Variants in NSD2 observed in about 807,000 individuals in gnomAD.
NSD2 encodes nuclear receptor binding SET domain protein 2.
NSD2 carries 12 observed loss-of-function variants against 139.0 expected under a neutral mutation model. That is an observed-to-expected ratio of 0.09 (90% CI 0.06 to 0.14). NSD2 has a LOEUF of 0.14. Ranked by LOEUF, NSD2 falls within the 10% of genes least tolerant of loss-of-function variation. The pLI, the probability that NSD2 is intolerant of heterozygous loss-of-function variation, is 1.00. For synonymous variants in NSD2, 669 were observed against 648.7 expected (o/e 1.03, Z -0.48); for missense variants, 1,155 against 1,745.0 (o/e 0.66, Z 6.02).
chr4:1,941,358 C>T, intron 9 of NSD2: 2 of 1,051,470 alleles, frequency 1.9e-6, no homozygotes, highest in Non-Finnish European at 2.3e-6. Context: ...AACATGGAGC[C>T]TGCTGAGATC....
At chr4:1,872,164 C>T (rs1009255340) in intron 1 of NSD2, among the ~76,000 whole-genome samples, 3 of 152,042 alleles carry the variant, frequency 2.0e-5, no homozygotes, top group Admixed American at 2.0e-4. Flanking sequence ...CCCGGGAAGC[C>T]GGGCCGCGGT....
At chr4:1,893,172 A>G (rs1015110241) in intron 1 of NSD2, among the ~76,000 whole-genome samples, 1 of 152,098 alleles carries the variant, frequency 6.6e-6, no homozygotes, top group Non-Finnish European at 1.5e-5. Context: ...AGATATGCAT[A>G]TTAAACTCTC....
intron 11 of NSD2, chr4:1,953,050 A>C (rs1724443276): frequency 6.9e-7 from 1 of 1,450,588 alleles, no homozygotes. Context: ...GCTTCTTGCC[A>C]GTTAGACTGG....
At chr4:1,879,510 C>T (rs983787773) in intron 1 of NSD2, among the ~76,000 whole-genome samples, 48 of 152,108 alleles carry the variant, frequency 3.2e-4, no homozygotes, top group Non-Finnish European at 6.3e-4. Context: ...TGAGCCACCG[C>T]GCCTGGCCTA....
chr4:1,979,018 G>A lies in NSD2; in HGVS notation c.*109G>A, dbSNP rs552974806. On this transcript the variant is annotated 3_prime_UTR_variant, in exon 22 of 22. Coordinates refer to ENST00000508803, the MANE Select transcript of NSD2 (RefSeq NM_001042424.3). ...CGGAGGACCCAGCTCGAGCCGCCAG[G>A]ACACAGACGTACAGGCCTCCTCGGG... 1.1e-5 allele frequency: 15 copies of A among 1,373,396 alleles called. No homozygotes were observed. In the African/African-American group the frequency reaches 1.8e-4, roughly 16 times the overall value. The allele number at this position is 1,373,396 out of a possible 1,614,324, so 85.1% of individuals were successfully genotyped here.
intron 9 of NSD2, chr4:1,943,817 T>C (rs1422354553): frequency 6.6e-6 from 7 of 1,062,310 alleles, no homozygotes; most frequent in Admixed American, 1.1e-4. Flanking sequence ...AAGTAAAGAC[T>C]CTATCTTGAA....
intron 1 of NSD2, among the ~76,000 whole-genome samples, chr4:1,890,468 G>T (rs1715444652): frequency 6.7e-6 from 1 of 148,630 alleles, no homozygotes; most frequent in Non-Finnish European, 1.5e-5. Flanking sequence ...CCGGCTAATT[G>T]TTTTTTGTAT....
chr4:1,963,250 A>G (rs145961168), intron 18 of NSD2, among the ~76,000 whole-genome samples: 1 of 152,194 alleles, frequency 6.6e-6, no homozygotes. Context: ...CTCTAGGACC[A>G]TGGCGTGTAG....
In NSD2 at chr4:1,938,425, T is replaced by C. The variant is rs1374341744; in HGVS notation, c.1675-26T>C. ...TCTTTTTTTTTTCTTTCTTTTTTTTTTTTTTTTTTTTTTTTTAAATAATAG... is the reference window on the plus strand; with the variant it reads ...TCTTTTTTTTTTCTTTCTTTTTTTTCTTTTTTTTTTTTTTTTAAATAATAG... On this transcript the variant is annotated intron_variant, in intron 7 of 21. Transcript: ENST00000508803. 31 of 1,151,110 alleles carry C rather than the reference T, an allele frequency of 2.7e-5. No homozygotes were observed. In the Admixed American group the frequency reaches 3.2e-4, roughly 12 times the overall value. 71.3% of individuals were successfully genotyped at this position (1,151,110 alleles called of 1,614,324 possible). A position where few individuals can be genotyped will look rare whatever the true frequency, so the allele number is the denominator to read the frequency against.
chr4:1,902,674 A>G (rs1717342459), intron 2 of NSD2, among the ~76,000 whole-genome samples: 1 of 152,122 alleles, frequency 6.6e-6, no homozygotes, highest in African/African-American at 2.4e-5. Flanking sequence ...CCTGACCTCA[A>G]ACGATGTTCC....
At chr4:1,938,412 C>CTTTGTTTTTTTTTTTTTTTTTTTTT in intron 7 of NSD2, 39 bp from the exon 8 acceptor site, 1 of 635,586 alleles carries the variant, frequency 1.6e-6, no homozygotes. Context: ...TTTTTTTTTT[C>CTTTGTTTTTTTTTTTTTTTTTTTTT]TTTCTTTTTT....
chr4:1,975,849 G>T (rs184669783), intron 20 of NSD2, among the ~76,000 whole-genome samples: 123 of 152,308 alleles, frequency 8.1e-4, no homozygotes, highest in East Asian at 5.8e-4. Flanking sequence ...CGCCTGCCCT[G>T]CTACCGTGTG....
intron 9 of NSD2, chr4:1,947,488 A>G: frequency 1.9e-6 from 2 of 1,057,846 alleles, no homozygotes; most frequent in Non-Finnish European, 2.3e-6. Flanking sequence ...ATAGCCAGGA[A>G]GTTTCTAGTT....
At chr4:1,911,226 G>C (rs575675818) in intron 3 of NSD2, among the ~76,000 whole-genome samples, 21 of 152,258 alleles carry the variant, frequency 1.4e-4, no homozygotes, top group Non-Finnish European at 2.2e-4. Flanking sequence ...CTCTTCGAAG[G>C]GGATGTAGGT....
chr4:1,888,124 G>T (rs1715252661), intron 1 of NSD2, among the ~76,000 whole-genome samples: 1 of 151,970 alleles, frequency 6.6e-6, no homozygotes, highest in South Asian at 2.1e-4. Flanking sequence ...GTTTATTAAG[G>T]CTATATGGCT....
Position 1,900,739 on chromosome 4 carries a change from G to C in NSD2, c.85G>C (p.Gly29Arg). Residue 29 changes from glycine to arginine, a missense_variant, in exon 2 of 22, where the codon GGC becomes CGC. By Grantham distance (125) the Gly-to-Arg change is moderately radical (BLOSUM62 -2). This residue lies in a region of NSD2 where 246 missense variants were observed against 262.8 expected (regional missense o/e 0.94). Coordinates refer to ENST00000508803, the MANE Select transcript of NSD2 (RefSeq NM_001042424.3). ...GATGAAGCAGGCACCAGAAATCCTC[G>C]GCAGTGCCAACGGGAAGACTCCGAG... ...IKMKQAPEIL[G>R]SANGKTPSCE... 1 of 1,614,042 alleles carries C rather than the reference G, an allele frequency of 6.2e-7. No individual in the cohort carries two copies. The highest frequency in any genetic ancestry group is 1.1e-5 in the South Asian group (1 of 91,066).
intron 9 of NSD2, chr4:1,943,036 G>A (rs547021592): frequency 2.9e-6 from 3 of 1,049,910 alleles, no homozygotes; most frequent in Admixed American, 5.5e-5. Context: ...CCAAGGCCCC[G>A]GACCAAGGGG....
chr4:1,882,216 T>C (rs961917664), intron 1 of NSD2, among the ~76,000 whole-genome samples: 11 of 152,170 alleles, frequency 7.2e-5, no homozygotes, highest in Non-Finnish European at 1.3e-4. Flanking sequence ...TGGACAGCCC[T>C]GTCTCCTTGA....
In NSD2 at chr4:1,955,663, A is replaced by G. The variant is rs1357415374; in HGVS notation, c.2519-30A>G. The stretch of plus-strand genomic sequence containing the variant: ...TGGGCTGAGCCATAGCAGACAGGCT[A>G]AGCCTGGCCGCCTCGCCCTCCTCTT... On this transcript the variant is annotated intron_variant, in intron 13 of 21. Coordinates refer to ENST00000508803, the MANE Select transcript of NSD2 (RefSeq NM_001042424.3). This position sits in a 1 kb window ranked among gnomAD's most constrained non-coding sequence, Gnocchi z 4.7. The G allele has an allele frequency of 1.3e-6, 2 of 1,598,166 alleles. No homozygotes were observed. The highest frequency in any genetic ancestry group is 1.7e-5 in the Admixed American group (1 of 58,298).
Sources: gnomAD v4.1 joint callset for allele counts (sites outside exome capture counted in the v4.1 genomes callset) on GRCh38, gnomAD v4.1.1 for gene constraint, gnomAD v4.1.1 regional missense constraint, Gnocchi (gnomAD v3.1) non-coding constraint, MANE v1.5 for transcripts, NCBI Gene and HGNC (gene_info 2026-07-23, HGNC 2026-07-21) for gene names.